Variants in CDK19 observed in about 807,000 individuals in gnomAD.
CDK19 encodes the protein cyclin dependent kinase 19.
CDK19 carries 20 observed loss-of-function variants against 68.3 expected under a neutral mutation model. The ratio of observed to expected loss-of-function variants is 0.29; its 90% CI spans 0.21 to 0.43. The LOEUF is 0.43. CDK19 is among the 20% of genes least tolerant of loss of function. CDK19 has a pLI of 1.00. For synonymous variants in CDK19, 221 were observed against 222.8 expected (o/e 0.99, Z 0.07); for missense variants, 339 against 623.5 (o/e 0.54, Z 4.86).
chr6:110,719,683 T>C (rs1427544092), intron 2 of CDK19, among the ~76,000 whole-genome samples: 1 of 151,594 alleles, frequency 6.6e-6, no homozygotes, highest in Non-Finnish European at 1.5e-5. Flanking sequence ...AGAAAGCTGC[T>C]ACTGTTTCTC....
chr6:110,614,829 G>A (rs1017364499), intron 12 of CDK19, among the ~76,000 whole-genome samples, 163 bp from the exon 13 acceptor site: 1 of 152,178 alleles, frequency 6.6e-6, no homozygotes, highest in African/African-American at 2.4e-5. Context: ...TTGCTTATTT[G>A]AAATCACAGC....
chr6:110,671,785 CT>C (rs909580401), intron 2 of CDK19, among the ~76,000 whole-genome samples: 61 of 147,066 alleles, frequency 4.1e-4, no homozygotes, highest in Admixed American at 7.5e-4. Context: ...ACTTTAGTAA[CT>C]TTTTTTTTTT....
intron 12 of CDK19, 113 bp downstream of exon 12, chr6:110,620,991 C>G (rs1778674331): frequency 3.1e-6 from 3 of 961,174 alleles, no homozygotes; most frequent in Non-Finnish European, 4.6e-6. Flanking sequence ...GCCCTAGAAA[C>G]AGGATTGCAC....
chr6:110,774,360 C>T (rs528976239), intron 1 of CDK19, among the ~76,000 whole-genome samples: 129 of 152,264 alleles, frequency 8.5e-4, no homozygotes, highest in Non-Finnish European at 1.5e-3. Context: ...TGGGATAGTA[C>T]CAGACACCCT....
chr6:110,704,868 C>T (rs975173393), intron 2 of CDK19, among the ~76,000 whole-genome samples: 1 of 150,844 alleles, frequency 6.6e-6, no homozygotes, highest in Admixed American at 6.6e-5. Context: ...TGGGCAATGG[C>T]AATAAAAATA....
chr6:110,662,378 TATG>T (rs1368458716), intron 4 of CDK19, among the ~76,000 whole-genome samples: 5 of 152,280 alleles, frequency 3.3e-5, no homozygotes, highest in Non-Finnish European at 5.9e-5. Flanking sequence ...GGTTCTGGGA[TATG>T]ATAATGAAAA....
At position 110,623,341 on chromosome 6, in the gene CDK19, T is replaced by C. The variant is rs753749481; in HGVS notation, c.882A>G (p.Ile294Met). ...TGACCTTGTGTTTCTCCATGTACTT[T>C]ATGAGGCTACTGTTGGCATACCTGC... ...RRTTYANSSL[I>M]KYMEKHKVKP... Residue 294 changes from isoleucine (I) to methionine (M), a missense_variant, in exon 9 of 13, where the codon ATA becomes ATG. Around this residue, in one of 4 missense-constraint regions of CDK19, gnomAD observed 63 missense variants for 156.5 expected, o/e 0.40. Transcript: ENST00000368911. 3.1e-6 allele frequency: 5 copies of C among 1,613,916 alleles called. No individual in the cohort carries two copies. The highest frequency in any genetic ancestry group is 4.2e-6 in the Non-Finnish European group (5 of 1,179,864).
rs777962253 is a variant in CDK19 at position 110,632,004 on chromosome 6, T to G, written c.646+26A>C. 2.5e-6 allele frequency: 4 copies of G among 1,582,618 alleles called. No individual in the cohort carries two copies. The Admixed American group carries it at 7.2e-5, about 28-fold the overall frequency. ...TATTTATGATCGTTAGATGACAAGA[T>G]AGTAAATCATTTTAGACCAACTTAC... is the stretch of plus-strand genomic sequence containing the variant. On this transcript the variant is annotated intron_variant, in intron 6 of 12. Transcript: ENST00000368911.
intron 1 of CDK19, among the ~76,000 whole-genome samples, chr6:110,799,231 AG>A (rs1333400689): frequency 1.3e-5 from 2 of 152,042 alleles, no homozygotes; most frequent in East Asian, 3.8e-4. Flanking sequence ...TAGAATACAA[AG>A]AAAAACTACT....
intron 1 of CDK19, among the ~76,000 whole-genome samples, chr6:110,802,380 A>G (rs1239475842): frequency 4.6e-5 from 7 of 152,190 alleles, no homozygotes; most frequent in African/African-American, 1.7e-4. Flanking sequence ...TTGCAGCAAC[A>G]TGGGTTGGGC....
chr6:110,620,849 T>A (rs1256330247), intron 12 of CDK19, among the ~76,000 whole-genome samples: 1 of 152,150 alleles, frequency 6.6e-6, no homozygotes. Flanking sequence ...GGTAAAATGA[T>A]GAAATTTTCT....
chr6:110,618,744 A>G (rs1264035337), intron 12 of CDK19, among the ~76,000 whole-genome samples: 1 of 152,206 alleles, frequency 6.6e-6, no homozygotes, highest in Non-Finnish European at 1.5e-5. Context: ...GGTGGGCACA[A>G]TGACCTCATT....
chr6:110,749,174 T>C (rs1287500738), intron 1 of CDK19, among the ~76,000 whole-genome samples: 1 of 152,220 alleles, frequency 6.6e-6, no homozygotes, highest in Admixed American at 6.5e-5. Flanking sequence ...ATTTGTACTA[T>C]AAACATGGAT....
At chr6:110,647,052 C>G (rs1427479810) in intron 4 of CDK19, among the ~76,000 whole-genome samples, 2 of 151,960 alleles carry the variant, frequency 1.3e-5, no homozygotes, top group African/African-American at 4.8e-5. Flanking sequence ...CACCACGACC[C>G]GACACTATTT....
At chr6:110,662,092 C>T (rs187322261) in intron 4 of CDK19, among the ~76,000 whole-genome samples, 81 of 152,262 alleles carry the variant, frequency 5.3e-4, no homozygotes, top group African/African-American at 1.9e-3. Context: ...GCCTCAGCCT[C>T]CCGAGTAGCT....
chr6:110,815,245 G>C lies in CDK19; in HGVS notation c.-109C>G. 8.4e-6 allele frequency: 10 copies of C among 1,184,934 alleles called. No homozygotes were observed. The highest frequency in any genetic ancestry group is 1.1e-5 in the Non-Finnish European group (10 of 934,618). 73.4% of individuals were successfully genotyped at this position (1,184,934 alleles called of 1,614,324 possible). ...CACTTCTCCAACAGCCGCCTCTCGC[G>C]CGCGCGCGCGCGCCGCCCGCCGCCC... On this transcript the variant is annotated 5_prime_UTR_variant, in exon 1 of 13. Coordinates refer to ENST00000368911, the MANE Select transcript of CDK19 (RefSeq NM_015076.5).
At chr6:110,770,486 C>A (rs1181644637) in intron 1 of CDK19, among the ~76,000 whole-genome samples, 1 of 152,174 alleles carries the variant, frequency 6.6e-6, no homozygotes, top group Non-Finnish European at 1.5e-5. Context: ...GGGGAAACTG[C>A]TCCCATGATT....
chr6:110,640,122 G>T (rs1780039985), intron 4 of CDK19, among the ~76,000 whole-genome samples: 1 of 151,644 alleles, frequency 6.6e-6, no homozygotes, highest in Admixed American at 6.6e-5. Context: ...TCAGGAGGCT[G>T]AGGCGGAAGG....
intron 1 of CDK19, among the ~76,000 whole-genome samples, chr6:110,802,742 C>T (rs551680874): frequency 1.1e-4 from 16 of 151,946 alleles, no homozygotes; most frequent in Non-Finnish European, 1.0e-4. Flanking sequence ...TCTAAATTGA[C>T]ACATAATGAA....
Sources: gnomAD v4.1 joint callset for allele counts (sites outside exome capture counted in the v4.1 genomes callset) on GRCh38, gnomAD v4.1.1 for gene constraint, gnomAD v4.1.1 regional missense constraint, MANE v1.5 for transcripts, NCBI Gene and HGNC (gene_info 2026-07-23, HGNC 2026-07-21) for gene names.